USP48: variants seen among roughly 807,000 people sequenced by gnomAD.
USP48 encodes the protein ubiquitin specific peptidase 48.
USP48 carries 43 observed loss-of-function variants against 150.7 expected under a neutral mutation model. The observed-to-expected ratio is 0.29, with a 90% CI of 0.22 to 0.37. The LOEUF (loss-of-function observed/expected upper bound fraction) is 0.37. Among genes scored for constraint, USP48 ranks in the 10% least tolerant of loss-of-function variants. The pLI, the probability that USP48 is intolerant of heterozygous loss-of-function variation, is 1.00. For synonymous variants in USP48, 396 were observed against 425.9 expected, an observed-to-expected ratio of 0.93 and a Z score of 0.86; for missense variants, 813 against 1,249.6, an observed-to-expected ratio of 0.65 and a Z score of 5.27.
chr1:21,726,736 A>G (rs540162150), intron 11 of USP48, among the ~76,000 whole-genome samples: 1 of 152,290 alleles, frequency 6.6e-6, no homozygotes, highest in South Asian at 2.1e-4. Context: ...AAAAGACTCT[A>G]AGTAGGCCCC....
intron 9 of USP48, among the ~76,000 whole-genome samples, chr1:21,730,674 CTCTG>C (rs1434374520): frequency 2.0e-5 from 3 of 151,498 alleles, no homozygotes. Context: ...CAGAGTGAAA[CTCTG>C]CCTCAAAAAA....
intron 18 of USP48, 85 bp downstream of exon 18, chr1:21,706,041 C>T (rs534786432): frequency 2.9e-5 from 42 of 1,433,390 alleles, no homozygotes; most frequent in Middle Eastern, 3.6e-4. Flanking sequence ...AAGGGTACAA[C>T]AAACAGAATC....
At chr1:21,733,102 T>C (rs2097760813) in intron 9 of USP48, among the ~76,000 whole-genome samples, 1 of 151,524 alleles carries the variant, frequency 6.6e-6, no homozygotes, top group Admixed American at 6.6e-5. Context: ...TAAGAGGAGG[T>C]TAGTCATCCA....
intron 10 of USP48, among the ~76,000 whole-genome samples, chr1:21,729,400 A>G (rs1427686503): frequency 1.3e-5 from 2 of 152,194 alleles, no homozygotes; most frequent in Admixed American, 6.5e-5. Flanking sequence ...TATATTATGA[A>G]GTCTAGAATA....
intron 14 of USP48, among the ~76,000 whole-genome samples, chr1:21,717,968 G>A (rs1448296397): frequency 6.6e-6 from 1 of 152,150 alleles, no homozygotes; most frequent in Non-Finnish European, 1.5e-5. Context: ...AAACTGATGT[G>A]ACGGATGTAT....
chr1:21,772,697 G>A (rs1038637513), intron 1 of USP48, among the ~76,000 whole-genome samples: 2 of 151,682 alleles, frequency 1.3e-5, no homozygotes, highest in African/African-American at 4.8e-5. Flanking sequence ...CAAGGCAGGT[G>A]GATCACCTGA....
intron 1 of USP48, among the ~76,000 whole-genome samples, chr1:21,760,026 G>T (rs995934753): frequency 6.6e-6 from 1 of 152,168 alleles, no homozygotes. Context: ...ACCCAGTAAT[G>T]AATCTAATTG....
At chr1:21,745,775 A>G (rs2097793131) in intron 8 of USP48, among the ~76,000 whole-genome samples, 1 of 152,158 alleles carries the variant, frequency 6.6e-6, no homozygotes, top group African/African-American at 2.4e-5. Flanking sequence ...CACATCTCCT[A>G]AGTTTCTGGA....
chr1:21,752,174 A>G (rs333199), intron 5 of USP48, among the ~76,000 whole-genome samples: 11,624 of 152,288 alleles, frequency 0.076, 503 homozygotes, highest in Middle Eastern at 0.11. Flanking sequence ...TAATGTAACC[A>G]TCACCCAAAT....
At chr1:21,773,465 C>T (rs1176274666) in intron 1 of USP48, among the ~76,000 whole-genome samples, 3 of 151,578 alleles carry the variant, frequency 2.0e-5, no homozygotes, top group South Asian at 4.2e-4. Context: ...AGTTCAAGAC[C>T]GGCCTGGGCA....
chr1:21,698,645 AC>A (rs2152510459), intron 22 of USP48, among the ~76,000 whole-genome samples: 1 of 152,368 alleles, frequency 6.6e-6, no homozygotes, highest in Non-Finnish European at 1.5e-5. Flanking sequence ...TACAAAGTTA[AC>A]CAGAGAACAG....
chr1:21,686,655 G>C (rs894691875), intron 25 of USP48: 1 of 153,368 alleles, frequency 6.5e-6, no homozygotes, highest in Non-Finnish European at 1.5e-5. Context: ...AAAGGGCTAA[G>C]AGATGGTCTC....
intron 1 of USP48, among the ~76,000 whole-genome samples, chr1:21,759,624 A>G (rs548861865): frequency 2.6e-5 from 4 of 152,320 alleles, no homozygotes; most frequent in South Asian, 2.1e-4. Flanking sequence ...AAAGAGCACA[A>G]GAGTTGGCTG....
At chr1:21,705,914 C>T in intron 18 of USP48, 77 bp from the exon 19 acceptor site, 3 of 1,226,218 alleles carry the variant, frequency 2.4e-6, no homozygotes, top group Non-Finnish European at 3.4e-6. Context: ...ATAATTATTT[C>T]AAAATCAGAG....
chr1:21,710,578 A>G (rs2097687537), intron 15 of USP48, among the ~76,000 whole-genome samples: 1 of 152,180 alleles, frequency 6.6e-6, no homozygotes, highest in African/African-American at 2.4e-5. Flanking sequence ...TGCAACAAAT[A>G]CTGAACTCTA....
At chr1:21,745,846 G>A (rs2097793304) in intron 8 of USP48, among the ~76,000 whole-genome samples, 1 of 152,138 alleles carries the variant, frequency 6.6e-6, no homozygotes, top group Non-Finnish European at 1.5e-5. Context: ...AAAGGAGGCA[G>A]GAAGCAAACT....
At chr1:21,765,901 C>CAAAAAAAAAAAAA (rs199539331) in intron 1 of USP48, among the ~76,000 whole-genome samples, 1 of 112,154 alleles carries the variant, frequency 8.9e-6, no homozygotes, top group African/African-American at 4.1e-5. Context: ...ACTCCATCTC[C>CAAAAAAAAAAAAA]AAAAAAAAAA....
At chr1:21,713,603 C>A (rs550706223) in intron 15 of USP48, among the ~76,000 whole-genome samples, 2 of 152,146 alleles carry the variant, frequency 1.3e-5, no homozygotes, top group Non-Finnish European at 2.9e-5. Context: ...GTGGTAGCAC[C>A]AAGCATGACA....
chr1:21,752,592 T>C lies in USP48; in HGVS notation c.600A>G (p.Gln200=). 2.5e-6 allele frequency: 4 copies of C among 1,613,682 alleles called. No individual in the cohort carries two copies. Among genetic ancestry groups the C allele is most frequent in the Middle Eastern group, 3.3e-4 (2 of 6,060 alleles). The change falls in exon 5 of 27, where the codon CAA becomes CAG. Residue 200 remains glutamine (Q), a synonymous_variant. Transcript: ENST00000308271. ...MSLLEDTLSK[Q]KNPDVRNIVQ... ...CAATATTGCGCACATCTGGATTCTT[T>C]TGTTTAGACAAAGTATCTTCCAATA... is the stretch of plus-strand genomic sequence containing the variant.
Sources: allele counts gnomAD v4.1 joint callset (sites outside exome capture counted in the v4.1 genomes callset), GRCh38; gene constraint gnomAD v4.1.1; transcripts MANE v1.5; gene names NCBI Gene and HGNC (gene_info 2026-07-23, HGNC 2026-07-21).